TMEM132D: variants seen among roughly 807,000 people sequenced by gnomAD.
TMEM132D encodes transmembrane protein 132D, also known as mature OL transmembrane protein.
A neutral mutation model predicts 62.3 loss-of-function variants in TMEM132D; 21 were observed. The ratio of observed to expected loss-of-function variants is 0.34; its 90% CI spans 0.24 to 0.49. TMEM132D has a LOEUF of 0.49. Ranked by LOEUF, TMEM132D falls within the 20% of genes least tolerant of loss-of-function variation. The pLI, the probability that TMEM132D is intolerant of heterozygous loss-of-function variation, is 0.99. For synonymous variants in TMEM132D, 621 were observed against 575.6 expected, an observed-to-expected ratio of 1.08 and a Z score of -1.13; for missense variants, 1,346 against 1,402.8, an observed-to-expected ratio of 0.96 and a Z score of 0.65.
rs1023878208 is a variant in TMEM132D, at chr12:129,078,151, C to G, written c.2115+383G>C. ...CTTGGCATCAGGCTGTGCACCTGCT[C>G]TGAGCCTGCACGTGCCCTCATGCCC... is the stretch of plus-strand genomic sequence containing the variant. On this transcript the variant is annotated intron_variant, in intron 8 of 8. Coordinates refer to ENST00000422113, the MANE Select transcript of TMEM132D (RefSeq NM_133448.3). Among the ~76,000 whole-genome samples the G allele has an allele frequency of 3.3e-5, 5 of 152,242 alleles. No individual in the cohort carries two copies. In the South Asian group the frequency reaches 8.3e-4, roughly 25 times the overall value.
intron 1 of TMEM132D, among the ~76,000 whole-genome samples, chr12:129,822,329 A>C (rs898578838): frequency 1.3e-5 from 2 of 152,144 alleles, no homozygotes; most frequent in African/African-American, 4.8e-5. Flanking sequence ...ATGGTTGCAC[A>C]AACAGCTGGG....
chr12:129,351,207 G>T (rs1033301781), intron 3 of TMEM132D, among the ~76,000 whole-genome samples: 1 of 152,146 alleles, frequency 6.6e-6, no homozygotes, highest in Non-Finnish European at 1.5e-5. Context: ...TGTATGTGAG[G>T]TCGTGCTTAT....
chr12:129,213,087 A>G (rs1879100434), intron 4 of TMEM132D, among the ~76,000 whole-genome samples: 1 of 152,218 alleles, frequency 6.6e-6, no homozygotes, highest in African/African-American at 2.4e-5. Flanking sequence ...AGTTGTGTAG[A>G]TTAAACCAGT....
At chr12:129,075,669 C>T (rs1437474033) in intron 8 of TMEM132D, among the ~76,000 whole-genome samples, 1 of 152,174 alleles carries the variant, frequency 6.6e-6, no homozygotes, top group Non-Finnish European at 1.5e-5. Flanking sequence ...AGGAGTTAAG[C>T]CTGACAGCAG....
intron 4 of TMEM132D, among the ~76,000 whole-genome samples, chr12:129,282,951 T>C (rs1435314592): frequency 2.0e-5 from 3 of 152,172 alleles, no homozygotes; most frequent in South Asian, 2.1e-4. Context: ...TGGTCATCTG[T>C]TCCAGAATGC....
intron 1 of TMEM132D, among the ~76,000 whole-genome samples, chr12:129,824,898 G>A (rs939973010): frequency 7.9e-5 from 12 of 152,188 alleles, no homozygotes; most frequent in African/African-American, 2.4e-4. Flanking sequence ...GAGAGCAGGC[G>A]AGAGAGCTCT....
intron 7 of TMEM132D, among the ~76,000 whole-genome samples, chr12:129,078,978 CCA>C (rs1272432247): frequency 1.3e-5 from 2 of 152,198 alleles, no homozygotes; most frequent in African/African-American, 4.8e-5. Flanking sequence ...TCCCCACACC[CCA>C]CACATCAGCT....
chr12:129,313,838 G>A (rs1490260939), intron 4 of TMEM132D, among the ~76,000 whole-genome samples: 3 of 152,148 alleles, frequency 2.0e-5, no homozygotes, highest in Non-Finnish European at 4.4e-5. Flanking sequence ...CGGTGTAGAA[G>A]TGTTCTATGT....
At chr12:129,352,242 C>T (rs1869891179) in intron 3 of TMEM132D, among the ~76,000 whole-genome samples, 1 of 152,118 alleles carries the variant, frequency 6.6e-6, no homozygotes, top group African/African-American at 2.4e-5. Context: ...AAAGACATTC[C>T]TAATTTTCTT....
chr12:129,839,121 T>TTTTTTTTC (rs1873100407), intron 1 of TMEM132D, among the ~76,000 whole-genome samples: 2 of 87,058 alleles, frequency 2.3e-5, no homozygotes, highest in Non-Finnish European at 4.6e-5. Flanking sequence ...TGGCTAATTT[T>TTTTTTTTC]TTTTTTTTTT....
chr12:129,381,713 T>TC (rs1870959695), intron 3 of TMEM132D, among the ~76,000 whole-genome samples: 6 of 150,136 alleles, frequency 4.0e-5, no homozygotes, highest in Admixed American at 2.0e-4. Context: ...TCTCTTTCTT[T>TC]TTTTCTGAGG....
chr12:129,122,669 T>C (rs1876101073), intron 5 of TMEM132D, among the ~76,000 whole-genome samples: 1 of 152,258 alleles, frequency 6.6e-6, no homozygotes, highest in South Asian at 2.1e-4. Flanking sequence ...TCTATTCTCC[T>C]CTGTGCTTCG....
intron 1 of TMEM132D, among the ~76,000 whole-genome samples, chr12:129,875,420 A>G (rs1874385747): frequency 6.6e-6 from 1 of 152,196 alleles, no homozygotes; most frequent in South Asian, 2.1e-4. Flanking sequence ...AGCCGAGACC[A>G]TGGTGCCAGC....
chr12:129,805,478 C>T (rs1297043744), intron 1 of TMEM132D, among the ~76,000 whole-genome samples: 18 of 152,140 alleles, frequency 1.2e-4, no homozygotes, highest in South Asian at 4.2e-4. Context: ...CTGGGAAAAC[C>T]TGCTAGCCAT....
At chr12:129,374,145 C>T (rs1219755948) in intron 3 of TMEM132D, among the ~76,000 whole-genome samples, 5 of 152,206 alleles carry the variant, frequency 3.3e-5, no homozygotes, top group South Asian at 2.1e-4. Context: ...TTATAAACAA[C>T]GGACATTTAT....
At chr12:129,642,789 C>T (rs1373218844) in intron 2 of TMEM132D, among the ~76,000 whole-genome samples, 3 of 152,280 alleles carry the variant, frequency 2.0e-5, no homozygotes, top group Middle Eastern at 6.8e-3. Flanking sequence ...GAAAACTCTT[C>T]GCTTGGTGAT....
chr12:129,458,727 T>C (rs953631692), intron 3 of TMEM132D, among the ~76,000 whole-genome samples: 1 of 152,164 alleles, frequency 6.6e-6, no homozygotes, highest in Non-Finnish European at 1.5e-5. Flanking sequence ...AGGTGCTAAA[T>C]TATTTCCCTG....
intron 2 of TMEM132D, among the ~76,000 whole-genome samples, chr12:129,554,449 TGA>T (rs1566107913): frequency 6.6e-6 from 1 of 152,068 alleles, no homozygotes; most frequent in East Asian, 1.9e-4. Context: ...GCAGAGACAC[TGA>T]GAGAGAAAGA....
At chr12:129,187,686 G>T (rs1367221482) in intron 5 of TMEM132D, among the ~76,000 whole-genome samples, 1 of 152,200 alleles carries the variant, frequency 6.6e-6, no homozygotes, top group Non-Finnish European at 1.5e-5. Context: ...CTAAGAAATG[G>T]TAAGTCATTC....
Sources: gnomAD v4.1 joint callset for allele counts (sites outside exome capture counted in the v4.1 genomes callset) on GRCh38, gnomAD v4.1.1 for gene constraint, MANE v1.5 for transcripts, NCBI Gene and HGNC (gene_info 2026-07-23, HGNC 2026-07-21) for gene names.